Variants in APBB2 observed in about 807,000 individuals in gnomAD.
APBB2 encodes Fe65-like 1.
Under a neutral mutation model 82.5 loss-of-function variants are expected in APBB2, and 38 were observed. The observed-to-expected ratio is 0.46, with a 90% CI of 0.36 to 0.60. APBB2 has a LOEUF of 0.60. Among genes scored for constraint, APBB2 ranks in the 20% least tolerant of loss-of-function variants. The pLI is 0.00. For missense variants in APBB2, 772 were observed against 972.3 expected (o/e 0.79, Z 2.74); for synonymous variants, 341 against 368.2 (o/e 0.93, Z 0.85).
intron 10 of APBB2, among the ~76,000 whole-genome samples, chr4:40,927,811 A>G (rs984318413): frequency 9.2e-5 from 14 of 152,168 alleles, no homozygotes; most frequent in Admixed American, 8.5e-4. Context: ...GTAATTTTCA[A>G]TATTGTCCAC....
At position 40,893,332 on chromosome 4, in the gene APBB2, T is replaced by G; in HGVS notation, c.1334A>C (p.Asn445Thr). 1 of 1,613,800 alleles carries G rather than the reference T, an allele frequency of 6.2e-7. No individual in the cohort carries two copies. Residue 445 changes from asparagine to threonine, a missense_variant, in exon 11 of 18, where the codon AAC becomes ACC. Physicochemically the swap from Asn to Thr is moderately conservative, Grantham distance 65 (BLOSUM62 0). Transcript: ENST00000508593. Reference sequence around the variant, plus strand: ...GTAGGAAAGTTGCCTGATGCAGTTGTTGACCGCAACACTACTTTTACCGGG... The same window carrying G: ...GTAGGAAAGTTGCCTGATGCAGTTGGTGACCGCAACACTACTTTTACCGGG... ...LAPGKSSVAVNNCIRQLSYCK... is the reference protein window; with the variant it reads ...LAPGKSSVAVTNCIRQLSYCK...
At chr4:40,920,820 G>A (rs1394838361) in intron 10 of APBB2, among the ~76,000 whole-genome samples, 2 of 151,544 alleles carry the variant, frequency 1.3e-5, no homozygotes, top group Admixed American at 1.3e-4. Context: ...GCTGTGAGCC[G>A]AGATCACACC....
At chr4:40,944,373 C>T (rs1010231764) in intron 7 of APBB2, among the ~76,000 whole-genome samples, 1 of 152,164 alleles carries the variant, frequency 6.6e-6, no homozygotes, top group African/African-American at 2.4e-5. Context: ...ACTAAATAAA[C>T]AGATTTTTTA....
At chr4:40,961,667 TAAAAAAAAAAAAAAAAA>T (rs60942744) in intron 6 of APBB2, among the ~76,000 whole-genome samples, 33 of 68,242 alleles carry the variant, frequency 4.8e-4, no homozygotes, top group East Asian at 1.6e-3. Flanking sequence ...AAAAAAGATG[TAAAAAAAAAAAAAAAAA>T]AAAAAAAAAA....
chr4:40,923,828 C>T (rs1781938810), intron 10 of APBB2, among the ~76,000 whole-genome samples: 1 of 152,252 alleles, frequency 6.6e-6, no homozygotes, highest in South Asian at 2.1e-4. Context: ...ATTCCTCGAC[C>T]GCTCATTCAG....
At chr4:41,025,552 T>C (rs190096632) in intron 5 of APBB2, among the ~76,000 whole-genome samples, 33 of 152,176 alleles carry the variant, frequency 2.2e-4, no homozygotes, top group African/African-American at 6.3e-4. Context: ...TGGACATGAA[T>C]GTTCACTGCA....
chr4:40,865,678 C>T (rs927455368), intron 12 of APBB2, among the ~76,000 whole-genome samples: 2 of 152,190 alleles, frequency 1.3e-5, no homozygotes, highest in African/African-American at 2.4e-5. Context: ...TATCCATCTA[C>T]CAGTTGATAG....
chr4:40,912,141 G>A (rs1366152491), intron 10 of APBB2, among the ~76,000 whole-genome samples: 1 of 152,210 alleles, frequency 6.6e-6, no homozygotes, highest in Non-Finnish European at 1.5e-5. Flanking sequence ...TCTTATGGAA[G>A]AGTGGGATGG....
chr4:40,948,741 CAG>C (rs1307327412), intron 6 of APBB2, among the ~76,000 whole-genome samples: 2 of 126,046 alleles, frequency 1.6e-5, no homozygotes, highest in Non-Finnish European at 3.2e-5. Flanking sequence ...ATCTGGGTGA[CAG>C]AGTGAGACTC....
intron 6 of APBB2, among the ~76,000 whole-genome samples, chr4:40,984,211 T>C (rs1430028793): frequency 6.6e-6 from 1 of 152,022 alleles, no homozygotes; most frequent in Non-Finnish European, 1.5e-5. Flanking sequence ...AGGGCAATGG[T>C]TGTCATGGAT....
chr4:40,902,459 T>C (rs1306442953), intron 10 of APBB2, among the ~76,000 whole-genome samples: 1 of 152,174 alleles, frequency 6.6e-6, no homozygotes, highest in Non-Finnish European at 1.5e-5. Flanking sequence ...CTGCACAACT[T>C]CAGGGTGGCT....
intron 1 of APBB2, among the ~76,000 whole-genome samples, chr4:41,190,577 A>G (rs748001801): frequency 3.3e-5 from 5 of 152,130 alleles, no homozygotes; most frequent in Non-Finnish European, 7.4e-5. Context: ...AAGTTCTGTG[A>G]TTATCTCCTC....
chr4:41,066,322 A>G (rs1010664645), intron 3 of APBB2, among the ~76,000 whole-genome samples: 2 of 152,182 alleles, frequency 1.3e-5, no homozygotes, highest in African/African-American at 2.4e-5. Flanking sequence ...ATTTTTGCCC[A>G]TTTTTGTGGC....
In APBB2 at chr4:40,934,113, T is replaced by C. The variant is rs1291607084; in HGVS notation, c.1254+343A>G. Among the ~76,000 whole-genome samples, 6 of 152,366 alleles carry C rather than the reference T, an allele frequency of 3.9e-5. No individual in the cohort carries two copies. In the East Asian group the frequency reaches 9.6e-4, roughly 24 times the overall value. ...GGTGGGAGGGGTCTCACACCCTACC[T>C]GTTTAGCTTCCTCTCCCATTGCTTT... On this transcript the variant is annotated intron_variant, in intron 10 of 17. Coordinates refer to ENST00000508593, the MANE Select transcript of APBB2 (RefSeq NM_004307.2).
chr4:40,820,131 G>C (rs906392951), intron 17 of APBB2, among the ~76,000 whole-genome samples: 12 of 152,220 alleles, frequency 7.9e-5, no homozygotes, highest in African/African-American at 2.7e-4. Flanking sequence ...TAAGTGCGAG[G>C]CTGAATTAAA....
chr4:40,946,286 CG>C (rs1788442083), intron 6 of APBB2, among the ~76,000 whole-genome samples: 3 of 146,198 alleles, frequency 2.1e-5, no homozygotes, highest in South Asian at 4.3e-4. Flanking sequence ...GGAAAAGCCT[CG>C]GAAGTCAACA....
intron 6 of APBB2, among the ~76,000 whole-genome samples, chr4:40,987,809 A>G (rs1396110): frequency 0.3 from 45,211 of 152,130 alleles, 7,975 homozygotes; most frequent in East Asian, 0.54. Context: ...AGAATCTAGC[A>G]GATTCATCCT....
intron 6 of APBB2, among the ~76,000 whole-genome samples, chr4:41,002,298 G>A (rs899685683): frequency 7.2e-5 from 11 of 152,346 alleles, no homozygotes; most frequent in African/African-American, 2.4e-4. Context: ...GGAAGACTCT[G>A]AGAAGTCATC....
At chr4:40,837,025 T>C (rs1294689186) in intron 12 of APBB2, among the ~76,000 whole-genome samples, 3 of 152,228 alleles carry the variant, frequency 2.0e-5, no homozygotes, top group Non-Finnish European at 4.4e-5. Flanking sequence ...ACTGTGGTCA[T>C]ACGTAAGAGC....
Sources: gnomAD v4.1 joint callset for allele counts (sites outside exome capture counted in the v4.1 genomes callset) on GRCh38, gnomAD v4.1.1 for gene constraint, MANE v1.5 for transcripts, NCBI Gene and HGNC (gene_info 2026-07-23, HGNC 2026-07-21) for gene names.